MACROD2: variants seen among roughly 807,000 people sequenced by gnomAD.
MACROD2 encodes mono-ADP ribosylhydrolase 2.
Under a neutral mutation model 70.4 loss-of-function variants are expected in MACROD2, and 36 were observed. The ratio of observed to expected loss-of-function variants is 0.51; its 90% CI spans 0.39 to 0.68. The LOEUF is 0.68. Among genes scored for constraint, MACROD2 ranks in the 30% least tolerant of loss-of-function variants. The probability of loss-of-function intolerance (pLI) is 0.00; values close to 1 mark genes in which losing one functional copy is unlikely to be tolerated. For missense variants in MACROD2, 496 were observed against 538.4 expected (o/e 0.92, Z 0.78); for synonymous variants, 172 against 178.8 (o/e 0.96, Z 0.30).
At chr20:14,111,193 T>C (rs2054446263) in intron 3 of MACROD2, among the ~76,000 whole-genome samples, 1 of 151,970 alleles carries the variant, frequency 6.6e-6, no homozygotes, top group Non-Finnish European at 1.5e-5. Flanking sequence ...AAACTAAACC[T>C]ATATCTCATC....
At chr20:15,543,430 C>T (rs780793795) in intron 8 of MACROD2, among the ~76,000 whole-genome samples, 3 of 152,282 alleles carry the variant, frequency 2.0e-5, no homozygotes, top group Non-Finnish European at 4.4e-5. Flanking sequence ...GTGCCACACA[C>T]AGGTGATCAA....
Position 15,587,273 on chromosome 20 carries a change from T to C in MACROD2, c.645+87426T>C, listed in dbSNP as rs150551851. On this transcript the variant is annotated intron_variant, in intron 8 of 17. Coordinates refer to ENST00000684519, the MANE Select transcript of MACROD2 (RefSeq NM_001351661.2). ...CTTACTCCCTATCATGAGAATACCA[T>C]GGGAAAGACCAGCCCCCATGATTCA... Among the ~76,000 whole-genome samples, 15 of 152,280 alleles carry C rather than the reference T, an allele frequency of 9.9e-5. No individual in the cohort carries two copies. In the East Asian group the frequency reaches 2.9e-3, roughly 29 times the overall value.
chr20:14,580,922 C>A (rs1037701751), intron 4 of MACROD2, among the ~76,000 whole-genome samples: 1 of 152,150 alleles, frequency 6.6e-6, no homozygotes, highest in Non-Finnish European at 1.5e-5. Flanking sequence ...TCAGTCATTG[C>A]AGAGCTTTAT....
chr20:14,194,798 GAA>G (rs1345644221), intron 3 of MACROD2, among the ~76,000 whole-genome samples: 1 of 152,166 alleles, frequency 6.6e-6, no homozygotes, highest in Non-Finnish European at 1.5e-5. Flanking sequence ...CCTAGAGAGA[GAA>G]TTACATGATA....
intron 15 of MACROD2, among the ~76,000 whole-genome samples, chr20:16,029,584 G>A (rs927009121): frequency 2.3e-4 from 35 of 152,268 alleles, no homozygotes; most frequent in Middle Eastern, 3.4e-3. Flanking sequence ...GGAAATGTGC[G>A]GAAGGAACGA....
At chr20:14,204,441 C>T (rs2081506417) in intron 3 of MACROD2, among the ~76,000 whole-genome samples, 1 of 150,846 alleles carries the variant, frequency 6.6e-6, no homozygotes, top group South Asian at 2.1e-4. Context: ...GGGGGCTGAG[C>T]TCTTAAAATG....
At chr20:14,356,058 C>G (rs772630963) in intron 3 of MACROD2, among the ~76,000 whole-genome samples, 8 of 152,154 alleles carry the variant, frequency 5.3e-5, no homozygotes, top group Non-Finnish European at 1.0e-4. Context: ...TGCTTAGTGT[C>G]ATGGTTAAGG....
chr20:16,044,311 A>G (rs185806888), intron 16 of MACROD2, among the ~76,000 whole-genome samples: 10 of 152,172 alleles, frequency 6.6e-5, no homozygotes, highest in East Asian at 1.9e-4. Flanking sequence ...CTGCAATCCA[A>G]TCACCTCTCA....
At chr20:15,575,498 G>A (rs1374389568) in intron 8 of MACROD2, among the ~76,000 whole-genome samples, 1 of 152,158 alleles carries the variant, frequency 6.6e-6, no homozygotes, top group African/African-American at 2.4e-5. Flanking sequence ...CTTACTGAGA[G>A]CCCTGGGCAG....
chr20:14,670,341 G>A (rs2070780441), intron 4 of MACROD2, among the ~76,000 whole-genome samples: 2 of 152,040 alleles, frequency 1.3e-5, no homozygotes, highest in Non-Finnish European at 2.9e-5. Flanking sequence ...ATCCCTTCCT[G>A]GTGAAAACTG....
chr20:14,754,593 G>A (rs972800488), intron 5 of MACROD2, among the ~76,000 whole-genome samples: 11 of 151,988 alleles, frequency 7.2e-5, no homozygotes, highest in African/African-American at 1.2e-4. Flanking sequence ...AGTTATACAC[G>A]GGGCTATAAA....
chr20:15,570,326 A>G (rs938467359), intron 8 of MACROD2, among the ~76,000 whole-genome samples: 1 of 152,192 alleles, frequency 6.6e-6, no homozygotes, highest in African/African-American at 2.4e-5. Flanking sequence ...TGTAGCTCTT[A>G]GAATGTTGGC....
chr20:15,671,914 C>T (rs763217857), intron 8 of MACROD2, among the ~76,000 whole-genome samples: 5 of 152,112 alleles, frequency 3.3e-5, no homozygotes, highest in Non-Finnish European at 7.3e-5. Flanking sequence ...TCCTGGCGTG[C>T]CTTATCAACT....
intron 12 of MACROD2, among the ~76,000 whole-genome samples, chr20:15,966,669 G>C (rs961825474): frequency 2.6e-5 from 4 of 152,194 alleles, no homozygotes; most frequent in Non-Finnish European, 5.9e-5. Context: ...TTGAGCCCAG[G>C]AGTTTGAGGT....
intron 5 of MACROD2, among the ~76,000 whole-genome samples, chr20:14,816,815 T>A (rs544738966): frequency 6.7e-4 from 102 of 152,086 alleles, no homozygotes; most frequent in African/African-American, 2.1e-3. Flanking sequence ...GCCTTAAAAC[T>A]ATCATTCTAT....
At chr20:14,736,947 C>T (rs1468814723) in intron 5 of MACROD2, among the ~76,000 whole-genome samples, 2 of 151,244 alleles carry the variant, frequency 1.3e-5, no homozygotes, top group Non-Finnish European at 3.0e-5. Context: ...TCACCATTGT[C>T]TTTTTTTTTA....
At chr20:15,364,025 A>G (rs563040394) in intron 6 of MACROD2, among the ~76,000 whole-genome samples, 4 of 152,316 alleles carry the variant, frequency 2.6e-5, no homozygotes, top group Admixed American at 2.6e-4. Flanking sequence ...TAATTAATAA[A>G]TAATTATAAT....
chr20:14,560,717 A>G lies in MACROD2; in HGVS notation c.301+67209A>G, dbSNP rs930547843. ...CATAAGAGTTTATCATATTTTACCTATCCTGTTACCACTACCTGTGGACAG... is the reference window on the plus strand; with the variant it reads ...CATAAGAGTTTATCATATTTTACCTGTCCTGTTACCACTACCTGTGGACAG... On this transcript the variant is annotated intron_variant, in intron 4 of 17. Coordinates refer to ENST00000684519, the MANE Select transcript of MACROD2 (RefSeq NM_001351661.2). 7.2e-5 allele frequency among the ~76,000 whole-genome samples: 11 copies of G among 151,864 alleles called. No homozygotes were observed. The East Asian group carries it at 2.1e-3, about 29-fold the overall frequency.
At chr20:15,215,079 C>T (rs1022234117) in intron 5 of MACROD2, among the ~76,000 whole-genome samples, 1 of 151,980 alleles carries the variant, frequency 6.6e-6, no homozygotes, top group African/African-American at 2.4e-5. Flanking sequence ...AGTTTTCTGG[C>T]AAATGTGTAA....
Sources: allele counts gnomAD v4.1 joint callset (sites outside exome capture counted in the v4.1 genomes callset), GRCh38; gene constraint gnomAD v4.1.1; transcripts MANE v1.5; gene names NCBI Gene and HGNC (gene_info 2026-07-23, HGNC 2026-07-21).